Variants in TCF7L2 observed in about 807,000 individuals in gnomAD.
TCF7L2 encodes transcription factor 7-like 2.
A neutral mutation model predicts 77.9 loss-of-function variants in TCF7L2; 23 were observed. The observed-to-expected ratio is 0.30, with a 90% CI of 0.21 to 0.42. The LOEUF is 0.42. Among genes scored for constraint, TCF7L2 ranks in the 10% least tolerant of loss-of-function variants. The probability of loss-of-function intolerance (pLI) is 1.00; values close to 1 mark genes in which losing one functional copy is unlikely to be tolerated. For synonymous variants in TCF7L2, 413 were observed against 340.2 expected, an observed-to-expected ratio of 1.21 and a Z score of -2.36; for missense variants, 654 against 793.1, an observed-to-expected ratio of 0.82 and a Z score of 2.11.
At position 113,165,820 on chromosome 10, in the gene TCF7L2, A is replaced by C. The variant is rs1337022515; in HGVS notation, c.1657A>C (p.Asn553His). 1 of 1,606,050 alleles carries C rather than the reference A, an allele frequency of 6.2e-7. No individual in the cohort carries two copies. Among genetic ancestry groups the C allele is most frequent in the Non-Finnish European group, 8.5e-7 (1 of 1,175,406 alleles). Residue 553 changes from asparagine (N) to histidine (H), a missense_variant, in exon 14 of 14, where the codon AAC becomes CAC. By Grantham distance (68) the Asn-to-His change is moderately conservative. This residue lies in a region of TCF7L2 where 272 missense variants were observed against 215.4 expected (regional missense o/e 1.26). Transcript: ENST00000627217. ...CCACAAGGCCTCCGCCCTCTGTCCCAACGGGGCCCTGGACCTGCCCCCAGC... is the reference window on the plus strand; with the variant it reads ...CCACAAGGCCTCCGCCCTCTGTCCCCACGGGGCCCTGGACCTGCCCCCAGC...
intron 5 of TCF7L2, among the ~76,000 whole-genome samples, chr10:113,104,410 C>T (rs1461375865): frequency 6.6e-6 from 1 of 152,126 alleles, no homozygotes; most frequent in African/African-American, 2.4e-5. Flanking sequence ...TGGAGCAGTG[C>T]CTGAATTTAA....
intron 5 of TCF7L2, among the ~76,000 whole-genome samples, chr10:113,097,940 C>T (rs1031460750): frequency 1.3e-5 from 2 of 149,976 alleles, no homozygotes; most frequent in Admixed American, 6.7e-5. Flanking sequence ...ATTCCAGCTA[C>T]TCGGGAGGCT....
chr10:112,978,879 C>T (rs1411722526), intron 4 of TCF7L2, among the ~76,000 whole-genome samples: 1 of 152,048 alleles, frequency 6.6e-6, no homozygotes, highest in Non-Finnish European at 1.5e-5. Flanking sequence ...ATGTGCACAA[C>T]GTGCAGGTTT....
Position 113,151,163 on chromosome 10 carries a change from G to T in TCF7L2, c.1001+40G>T. 6.2e-7 allele frequency: 1 copy of T among 1,613,614 alleles called. No homozygotes were observed. The highest frequency in any genetic ancestry group is 1.1e-5 in the South Asian group (1 of 91,030). On this transcript the variant is annotated intron_variant, in intron 9 of 13. Transcript: ENST00000627217. The surrounding 1 kb of genome is among the most constrained non-coding windows in gnomAD (Gnocchi z 5.2). ...TTTTCTCACCTTCTTCGTAGCCGCA[G>T]TGTTCTGCAAGCCTGTTGCAGCTGC...
At chr10:113,016,174 C>T (rs1048997970) in intron 4 of TCF7L2, among the ~76,000 whole-genome samples, 1 of 151,916 alleles carries the variant, frequency 6.6e-6, no homozygotes, top group Non-Finnish European at 1.5e-5. Context: ...AAGTGATTCT[C>T]CTGCCTTAGC....
chr10:112,969,309 T>C (rs1161434863), intron 4 of TCF7L2, among the ~76,000 whole-genome samples: 1 of 152,230 alleles, frequency 6.6e-6, no homozygotes, highest in Non-Finnish European at 1.5e-5. Context: ...TTATTTTGGG[T>C]AGCAATGGTT....
intron 5 of TCF7L2, among the ~76,000 whole-genome samples, chr10:113,123,002 C>T (rs142225267): frequency 6.2e-4 from 95 of 152,246 alleles, no homozygotes; most frequent in African/African-American, 2.1e-3. Context: ...TCAGACATGA[C>T]GAGAGTGAAG....
intron 5 of TCF7L2, among the ~76,000 whole-genome samples, chr10:113,085,930 C>T (rs1009738068): frequency 3.3e-5 from 5 of 152,224 alleles, no homozygotes; most frequent in Non-Finnish European, 5.9e-5. Context: ...CATGAAATGA[C>T]ATGAAATAGC....
intron 5 of TCF7L2, among the ~76,000 whole-genome samples, chr10:113,058,965 A>G (rs1361291078): frequency 6.6e-6 from 1 of 152,168 alleles, no homozygotes; most frequent in Non-Finnish European, 1.5e-5. Flanking sequence ...TCATGGAGAT[A>G]AAGTGTCAGG....
chr10:113,012,089 G>A (rs138236830), intron 4 of TCF7L2, among the ~76,000 whole-genome samples: 10 of 152,138 alleles, frequency 6.6e-5, no homozygotes, highest in African/African-American at 1.9e-4. Flanking sequence ...CTGCTACTGC[G>A]CCTTGGCAAT....
intron 5 of TCF7L2, among the ~76,000 whole-genome samples, chr10:113,127,452 AC>A (rs2065836614): frequency 1.3e-5 from 2 of 152,134 alleles, no homozygotes; most frequent in South Asian, 4.1e-4. Flanking sequence ...GCAGATGCGG[AC>A]CGTGGAATGT....
chr10:113,146,847 A>G (rs2069536949), intron 8 of TCF7L2, among the ~76,000 whole-genome samples: 1 of 152,150 alleles, frequency 6.6e-6, no homozygotes, highest in African/African-American at 2.4e-5. Flanking sequence ...TTCAATAGCC[A>G]CACGTGGCTG....
At chr10:112,954,025 G>A (rs765184056) in intron 3 of TCF7L2, among the ~76,000 whole-genome samples, 5 of 152,240 alleles carry the variant, frequency 3.3e-5, no homozygotes, top group Non-Finnish European at 5.9e-5. Context: ...CAGCAGAGCA[G>A]TGGAAATGAG....
At chr10:113,118,808 G>C (rs2064297586) in intron 5 of TCF7L2, among the ~76,000 whole-genome samples, 1 of 151,532 alleles carries the variant, frequency 6.6e-6, no homozygotes, top group Admixed American at 6.6e-5. Flanking sequence ...GCGATACTTT[G>C]TATTACGCTC....
chr10:113,105,384 T>C (rs1209728144), intron 5 of TCF7L2, among the ~76,000 whole-genome samples: 1 of 152,172 alleles, frequency 6.6e-6, no homozygotes, highest in Non-Finnish European at 1.5e-5. Flanking sequence ...TGAGAGCTTC[T>C]GGGATTTGGA....
intron 4 of TCF7L2, among the ~76,000 whole-genome samples, chr10:112,971,423 C>G (rs1369402857): frequency 6.6e-6 from 1 of 152,130 alleles, no homozygotes; most frequent in Non-Finnish European, 1.5e-5. Context: ...ATTCCCGTGC[C>G]TCAGCCTTTT....
chr10:113,077,336 AT>A (rs1333872162), intron 5 of TCF7L2, among the ~76,000 whole-genome samples: 4 of 152,270 alleles, frequency 2.6e-5, no homozygotes, highest in Admixed American at 2.6e-4. Context: ...GAATTAAAAA[AT>A]AAGTTTAGTC....
At chr10:113,012,298 C>T (rs1202124735) in intron 4 of TCF7L2, among the ~76,000 whole-genome samples, 1 of 152,166 alleles carries the variant, frequency 6.6e-6, no homozygotes, top group Non-Finnish European at 1.5e-5. Flanking sequence ...ATAGTCCTGG[C>T]TGAATTTTAA....
chr10:112,950,614 C>T lies in TCF7L2; in HGVS notation c.-143C>T, dbSNP rs1202932940. ...TCCCCTCCCCAGGAGAAAAAGACCCCCAAGCAGAAAAAAGTTCACCTTGGA... is the reference window on the plus strand; with the variant it reads ...TCCCCTCCCCAGGAGAAAAAGACCCTCAAGCAGAAAAAAGTTCACCTTGGA... On this transcript the variant is annotated 5_prime_UTR_variant, in exon 1 of 14. Transcript: ENST00000627217. 1.1e-6 allele frequency: 1 copy of T among 894,794 alleles called. No individual in the cohort carries two copies. The highest frequency in any genetic ancestry group is 1.7e-5 in the African/African-American group (1 of 57,378). 55.4% of individuals were successfully genotyped at this position (894,794 alleles called of 1,614,324 possible).
Sources: gnomAD v4.1 joint callset for allele counts (sites outside exome capture counted in the v4.1 genomes callset) on GRCh38, gnomAD v4.1.1 for gene constraint, gnomAD v4.1.1 regional missense constraint, Gnocchi (gnomAD v3.1) non-coding constraint, MANE v1.5 for transcripts, NCBI Gene and HGNC (gene_info 2026-07-23, HGNC 2026-07-21) for gene names.